The following TACR3 variants were observed in gnomAD, a reference collection of about 807,000 sequenced individuals.
TACR3 encodes the protein tachykinin receptor 3.
TACR3 carries 34 observed loss-of-function variants against 35.0 expected under a neutral mutation model. The ratio of observed to expected loss-of-function variants is 0.97; its 90% CI spans 0.74 to 1.30. The LOEUF is 1.30. TACR3 is among the 50% of genes most tolerant of loss of function. TACR3 has a pLI of 0.00. For missense variants in TACR3, 558 were observed against 591.7 expected (o/e 0.94, Z 0.59); for synonymous variants, 233 against 221.1 (o/e 1.05, Z -0.48).
chr4:103,625,654 A>G (rs1208890975), intron 3 of TACR3, among the ~76,000 whole-genome samples: 1 of 152,148 alleles, frequency 6.6e-6, no homozygotes, highest in Non-Finnish European at 1.5e-5. Flanking sequence ...TTCATATTAG[A>G]GCAGAATTCA....
At chr4:103,595,813 A>G (rs1401197416) in intron 3 of TACR3, among the ~76,000 whole-genome samples, 2 of 151,286 alleles carry the variant, frequency 1.3e-5, no homozygotes, top group African/African-American at 2.4e-5. Flanking sequence ...GGTTAGTTAC[A>G]TATGTATACA....
chr4:103,615,596 C>T (rs1724636583), intron 3 of TACR3, among the ~76,000 whole-genome samples: 1 of 151,954 alleles, frequency 6.6e-6, no homozygotes, highest in South Asian at 2.1e-4. Context: ...AATAGCTTTC[C>T]TATTAAAAAA....
intron 3 of TACR3, among the ~76,000 whole-genome samples, chr4:103,635,640 T>G (rs915558047): frequency 1.7e-4 from 26 of 151,998 alleles, no homozygotes; most frequent in African/African-American, 4.8e-4. Flanking sequence ...CAACTAATAT[T>G]TATGCTTGAA....
At chr4:103,634,920 T>C (rs1725147042) in intron 3 of TACR3, among the ~76,000 whole-genome samples, 1 of 152,064 alleles carries the variant, frequency 6.6e-6, no homozygotes, top group African/African-American at 2.4e-5. Flanking sequence ...CTTTTCTATC[T>C]AATCCAGAGC....
chr4:103,714,677 T>C (rs973094803), intron 1 of TACR3, among the ~76,000 whole-genome samples: 1 of 152,178 alleles, frequency 6.6e-6, no homozygotes, highest in Non-Finnish European at 1.5e-5. Flanking sequence ...ATTAACTGCA[T>C]GGAAAGTGAC....
chr4:103,603,672 C>T (rs910798020), intron 3 of TACR3, among the ~76,000 whole-genome samples: 56 of 152,224 alleles, frequency 3.7e-4, no homozygotes, highest in African/African-American at 1.3e-3. Flanking sequence ...ATTTATAATC[C>T]TTTGGGTATA....
chr4:103,710,856 A>G (rs1346814026), intron 1 of TACR3, among the ~76,000 whole-genome samples: 2 of 152,232 alleles, frequency 1.3e-5, no homozygotes, highest in African/African-American at 4.8e-5. Context: ...AGAGAACACT[A>G]TAAACACTTC....
In TACR3 at chr4:103,668,866, C is replaced by T. The variant is rs1447235055; in HGVS notation, c.549-10463G>A. Among the ~76,000 whole-genome samples the T allele has an allele frequency of 2.1e-5, 3 of 145,516 alleles. No individual in the cohort carries two copies. In the East Asian group the frequency reaches 6.0e-4, roughly 29 times the overall value. ...TCTGTCTCAAAAAAAAAAAAAAAGTCGTATGTATTTATGAAGTATATGTGA... is the reference window on the plus strand; with the variant it reads ...TCTGTCTCAAAAAAAAAAAAAAAGTTGTATGTATTTATGAAGTATATGTGA... On this transcript the variant is annotated intron_variant, in intron 1 of 4. Coordinates refer to ENST00000304883, the MANE Select transcript of TACR3 (RefSeq NM_001059.3).
intron 1 of TACR3, among the ~76,000 whole-genome samples, chr4:103,662,227 T>C: frequency 6.6e-6 from 1 of 151,032 alleles, no homozygotes; most frequent in Non-Finnish European, 1.5e-5. Context: ...GTTTTTTTTT[T>C]TTTTTTTTTT....
At chr4:103,633,654 T>C (rs1001650986) in intron 3 of TACR3, among the ~76,000 whole-genome samples, 1 of 152,080 alleles carries the variant, frequency 6.6e-6, no homozygotes, top group African/African-American at 2.4e-5. Context: ...AGTGAGAACA[T>C]AAAATGTTTG....
intron 1 of TACR3, among the ~76,000 whole-genome samples, chr4:103,695,268 T>C (rs1490802350): frequency 6.6e-6 from 1 of 152,126 alleles, no homozygotes; most frequent in Non-Finnish European, 1.5e-5. Context: ...CGGATTGTTT[T>C]CAGTAAAATT....
chr4:103,639,049 A>G (rs1426841432), intron 3 of TACR3, among the ~76,000 whole-genome samples: 1 of 152,152 alleles, frequency 6.6e-6, no homozygotes, highest in East Asian at 1.9e-4. Flanking sequence ...TCAGGGATCT[A>G]GAGCTAGAAA....
intron 1 of TACR3, 74 bp from the exon 2 acceptor site, chr4:103,658,477 T>C (rs1725776269): frequency 7.0e-7 from 1 of 1,419,074 alleles, no homozygotes; most frequent in East Asian, 2.4e-5. Flanking sequence ...TCAAAGGTAT[T>C]TCAAAGGCGT....
chr4:103,593,357 C>T (rs1021666792), intron 3 of TACR3: 1 of 151,942 alleles, frequency 6.6e-6, no homozygotes, highest in Admixed American at 6.6e-5. Flanking sequence ...AGGACCAATT[C>T]CTCATCCTGA....
chr4:103,616,036 C>A (rs1724650762), intron 3 of TACR3, among the ~76,000 whole-genome samples: 2 of 152,136 alleles, frequency 1.3e-5, no homozygotes, highest in Non-Finnish European at 2.9e-5. Flanking sequence ...GTCAGAAAAA[C>A]TGCAGATGTT....
chr4:103,611,737 G>A (rs1724517299), intron 3 of TACR3, among the ~76,000 whole-genome samples: 1 of 151,850 alleles, frequency 6.6e-6, no homozygotes, highest in Non-Finnish European at 1.5e-5. Flanking sequence ...TTACTTTTTT[G>A]CCCCTCTAAA....
At chr4:103,621,628 A>G (rs1421563859) in intron 3 of TACR3, among the ~76,000 whole-genome samples, 1 of 152,220 alleles carries the variant, frequency 6.6e-6, no homozygotes, top group Non-Finnish European at 1.5e-5. Flanking sequence ...TTCATTGAAC[A>G]TTGATTAAGG....
At chr4:103,687,014 C>T (rs576211128) in intron 1 of TACR3, among the ~76,000 whole-genome samples, 198 of 152,084 alleles carry the variant, frequency 1.3e-3, no homozygotes, top group Non-Finnish European at 2.2e-3. Flanking sequence ...ACTGGCAAAC[C>T]GAATCCAGCA....
At chr4:103,619,498 G>T (rs1479341272) in intron 3 of TACR3, among the ~76,000 whole-genome samples, 1 of 152,070 alleles carries the variant, frequency 6.6e-6, no homozygotes, top group African/African-American at 2.4e-5. Context: ...CCACTATTTA[G>T]ATGGCTTTTA....
Sources: allele counts gnomAD v4.1 joint callset (sites outside exome capture counted in the v4.1 genomes callset), GRCh38; gene constraint gnomAD v4.1.1; transcripts MANE v1.5; gene names NCBI Gene and HGNC (gene_info 2026-07-23, HGNC 2026-07-21).